The following RNF215 variants were observed in gnomAD, a reference collection of about 807,000 sequenced individuals.
RNF215 encodes ring finger protein 215.
RNF215 carries 41 observed loss-of-function variants against 44.8 expected under a neutral mutation model. The ratio of observed to expected loss-of-function variants is 0.92; its 90% confidence interval spans 0.71 to 1.19. The LOEUF is 1.19. Among genes scored for constraint, RNF215 ranks in the 50% most tolerant of loss-of-function variants. The pLI, the probability that RNF215 is intolerant of heterozygous loss-of-function variation, is 0.00. For synonymous variants in RNF215, 218 were observed against 230.1 expected (o/e 0.95, Z 0.48); for missense variants, 452 against 496.2 (o/e 0.91, Z 0.85).
intron 7 of RNF215, 64 bp downstream of exon 7, chr22:30,379,998 C>A (rs1933501862): frequency 1.2e-6 from 2 of 1,602,790 alleles, no homozygotes; most frequent in South Asian, 2.2e-5. Context: ...GTTCCAAGGT[C>A]CCAGGAGTAA....
At chr22:30,385,373 G>A (rs1157423571) in intron 4 of RNF215, among the ~76,000 whole-genome samples, 4 of 147,232 alleles carry the variant, frequency 2.7e-5, no homozygotes, top group Non-Finnish European at 5.9e-5. Flanking sequence ...AGAGAGCCGA[G>A]ATCGCGCCAC....
intron 5 of RNF215, among the ~76,000 whole-genome samples, chr22:30,381,984 C>G (rs1933535573): frequency 6.6e-6 from 1 of 152,252 alleles, no homozygotes; most frequent in South Asian, 2.1e-4. Context: ...TGTCTCTGGC[C>G]TATCTGCTCT....
At position 30,380,056 on chromosome 22, in the gene RNF215, A is replaced by C. The variant is rs761346273; in HGVS notation, c.1008+6T>G. 6.2e-7 allele frequency: 1 copy of C among 1,613,780 alleles called. No individual in the cohort carries two copies. Among genetic ancestry groups the C allele is most frequent in the Non-Finnish European group, 8.5e-7 (1 of 1,179,878 alleles). ...CTGATGGCTGGTCTCTACCCGGGGC[A>C]CTAGCCTGTTTGTTGCAGAAGTAGT... On this transcript the variant is annotated splice_donor_region_variant and intron_variant, in intron 7 of 8. Transcript: ENST00000382363. This position sits in a 1 kb window ranked among gnomAD's most constrained non-coding sequence, Gnocchi z 5.3.
Position 30,386,132 on chromosome 22 carries a change from C to G in RNF215, c.439G>C (p.Ala147Pro), listed in dbSNP as rs1219049971. Residue 147 changes from alanine to proline, a missense_variant, in exon 3 of 9, where the codon GCC becomes CCC. Physicochemically the swap from Ala to Pro is conservative, Grantham distance 27. Transcript: ENST00000382363. Reference sequence around the variant, plus strand: ...AGGGCAGAGGCACCCAGGAAGAGGGCCCGCCGCATCTGCAGAGGGATAGAA... The same window carrying G: ...AGGGCAGAGGCACCCAGGAAGAGGGGCCGCCGCATCTGCAGAGGGATAGAA... ...PKALVQQMRR[A>P]LFLGASALLL... 1 of 1,594,376 alleles carries G rather than the reference C, an allele frequency of 6.3e-7. No individual in the cohort carries two copies. Among genetic ancestry groups the G allele is most frequent in the Non-Finnish European group, 8.5e-7 (1 of 1,170,952 alleles).
chr22:30,384,794 G>A (rs1933573366), intron 4 of RNF215: 1 of 295,566 alleles, frequency 3.4e-6, no homozygotes, highest in Non-Finnish European at 6.3e-6. Flanking sequence ...CCATTTTTCA[G>A]CCTGGGACAG....
chr22:30,379,979 G>A lies in RNF215; in HGVS notation c.1008+83C>T, dbSNP rs536244623. 30 of 1,581,856 alleles carry A rather than the reference G, an allele frequency of 1.9e-5. 1 individual carries two copies. Among genetic ancestry groups the A allele is most frequent in the South Asian group, 1.2e-4 (11 of 89,232 alleles). ...CTGGGGGCTGAAGGAGAAGGGCCTG[G>A]TGGTGGTGGTTCCAAGGTCCCAGGA... is the stretch of plus-strand genomic sequence containing the variant. On this transcript the variant is annotated intron_variant, in intron 7 of 8. Transcript: ENST00000382363.
In RNF215 at chr22:30,387,364, G is replaced by T. The variant is rs970751306; in HGVS notation, c.-51C>A. 32 of 1,021,658 alleles carry T rather than the reference G, an allele frequency of 3.1e-5. 1 individual carries two copies. Among genetic ancestry groups the T allele is most frequent in the East Asian group, 8.4e-5 (1 of 11,880 alleles). 63.3% of individuals were successfully genotyped at this position (1,021,658 alleles called of 1,614,324 possible). A position where few individuals can be genotyped will look rare whatever the true frequency, so the allele number is the denominator to read the frequency against. ...CAGTGGGGCCAGGGGTCCCGGGCGC[G>T]GGGGGGATCGGAGGGAGCGAGGCCG... is the stretch of plus-strand genomic sequence containing the variant. On this transcript the variant is annotated 5_prime_UTR_variant, in exon 1 of 9. Transcript: ENST00000382363.
chr22:30,384,734 C>T, intron 4 of RNF215: 1 of 445,732 alleles, frequency 2.2e-6, no homozygotes. Flanking sequence ...CACAGAGCCA[C>T]TTCCTTGCTC....
chr22:30,382,247 C>CT (rs1569198867), intron 5 of RNF215, among the ~76,000 whole-genome samples: 4 of 151,926 alleles, frequency 2.6e-5, no homozygotes, highest in African/African-American at 9.7e-5. Context: ...ACTAAAAATA[C>CT]AAAAAATTAG....
At chr22:30,379,862 C>T (rs750111366) in intron 7 of RNF215, 49 bp from the exon 8 acceptor site, 22 of 1,545,578 alleles carry the variant, frequency 1.4e-5, no homozygotes, top group East Asian at 2.3e-5. Flanking sequence ...CAGGACTCCA[C>T]GTGGGGGTGC....
rs1933616259 is a variant in RNF215, at chr22:30,387,246, AGCGGAGACGGAGGCGGCG to A, written c.50_67del (p.Pro17_Pro22del). On this transcript the variant is annotated inframe_deletion, in exon 1 of 9. Transcript: ENST00000382363. ...CGGCAGCAGGGGCAGCAGCAGCAGC[AGCGGAGACGGAGGCGGCG>A]GCGGAGGCGGCGGCGGCGATCTCAG... is the stretch of plus-strand genomic sequence containing the variant. 1 of 1,011,752 alleles carries A rather than the reference AGCGGAGACGGAGGCGGCG, an allele frequency of 9.9e-7. No individual in the cohort carries two copies. Among genetic ancestry groups the A allele is most frequent in the African/African-American group, 1.7e-5 (1 of 57,640 alleles). 62.7% of individuals were successfully genotyped at this position (1,011,752 alleles called of 1,614,324 possible).
At chr22:30,385,620 C>T (rs1456312672) in intron 4 of RNF215, among the ~76,000 whole-genome samples, 1 of 151,716 alleles carries the variant, frequency 6.6e-6, no homozygotes, top group African/African-American at 2.4e-5. Flanking sequence ...CCTGTCTCTA[C>T]TAAAAATACA....
At chr22:30,379,932 C>G (rs927486032) in intron 7 of RNF215, 119 bp from the exon 8 acceptor site, 66 of 1,532,878 alleles carry the variant, frequency 4.3e-5, no homozygotes, top group East Asian at 1.1e-4. Flanking sequence ...CCCCCACCCC[C>G]CTGAAATTCT....
Position 30,386,733 on chromosome 22 carries a change from C to T in RNF215, c.312G>A (p.Glu104=), listed in dbSNP as rs143078843. The change falls in exon 2 of 9, where the codon GAG becomes GAA. Residue 104 remains glutamate (E), a synonymous_variant. Transcript: ENST00000382363. ...LLMDIVDAEQ[E]APVEGWIAVA... ...CTGCAATCCAGCCTTCCACTGGTGC[C>T]TCCTGCTCGGCATCCACGATGTCCA... The T allele has an allele frequency of 9.4e-4, 1,517 of 1,608,602 alleles. 12 individuals carry two copies. In the African/African-American group the frequency reaches 0.017, roughly 18 times the overall value.
Position 30,385,870 on chromosome 22 carries a change from G to C in RNF215, c.587+34C>G, listed in dbSNP as rs762003319. The C allele has an allele frequency of 3.1e-6, 5 of 1,595,916 alleles. No individual in the cohort carries two copies. The South Asian group carries it at 3.3e-5, about 11-fold the overall frequency. On this transcript the variant is annotated intron_variant, in intron 4 of 8. Coordinates refer to ENST00000382363, the MANE Select transcript of RNF215 (RefSeq NM_001017981.2). ...GAGAACCAGGGGCTCTCTGTACCCA[G>C]GGTCAGTCCTTTGAAGTCTAAATAC... is the stretch of plus-strand genomic sequence containing the variant.
chr22:30,381,504 G>C (rs1401725394), intron 5 of RNF215, among the ~76,000 whole-genome samples: 1 of 152,194 alleles, frequency 6.6e-6, no homozygotes, highest in Non-Finnish European at 1.5e-5. Context: ...ATGGCGCAGC[G>C]GAGTAAGCAA....
rs747997677 is a variant in RNF215 at position 30,380,177 on chromosome 22, C to T, written c.893G>A (p.Arg298Gln). 1.2e-5 allele frequency: 19 copies of T among 1,613,708 alleles called. No individual in the cohort carries two copies. The highest frequency in any genetic ancestry group is 6.7e-5 in the African/African-American group (5 of 74,900). The change falls in exon 7 of 9, where the codon CGG (arginine) becomes CAG (glutamine). Residue 298 changes from arginine (R) to glutamine (Q), a missense_variant. By Grantham distance (43) the Arg-to-Gln change is conservative. Coordinates refer to ENST00000382363, the MANE Select transcript of RNF215 (RefSeq NM_001017981.2). This position sits in a 1 kb window ranked among gnomAD's most constrained non-coding sequence, Gnocchi z 5.3. The stretch of plus-strand genomic sequence containing the variant: ...CCGTGTCTTGAGGGATGCCAGTCTC[C>T]GCACCACGCGGCGCTTAAACAGGTC... Reference protein sequence around the residue: ...QVDLFKRRVVRRLASLKTRRC... With the variant: ...QVDLFKRRVVQRLASLKTRRC...
Position 30,384,448 on chromosome 22 carries a change from G to A in RNF215, c.635C>T (p.Ala212Val), listed in dbSNP as rs1200030976. Residue 212 changes from alanine (A) to valine (V), a missense_variant, in exon 5 of 9, where the codon GCC becomes GTC. By Grantham distance (64) the Ala-to-Val change is moderately conservative. Coordinates refer to ENST00000382363, the MANE Select transcript of RNF215 (RefSeq NM_001017981.2). ...AEITSGESLS[A>V]NIEWKLTLWT... Reference sequence around the variant, plus strand: ...CAAGGTCAACTTCCACTCGATATTGGCAGACAGGGACTCTCCGCTGGTGAT... The same window carrying A: ...CAAGGTCAACTTCCACTCGATATTGACAGACAGGGACTCTCCGCTGGTGAT... The A allele has an allele frequency of 6.2e-7, 1 of 1,614,024 alleles. No homozygotes were observed. The highest frequency in any genetic ancestry group is 8.5e-7 in the Non-Finnish European group (1 of 1,179,984).
Position 30,379,282 on chromosome 22 carries a change from G to A in RNF215, c.*318C>T. 1 of 412,530 alleles carries A rather than the reference G, an allele frequency of 2.4e-6. No homozygotes were observed. The highest frequency in any genetic ancestry group is 4.5e-6 in the Non-Finnish European group (1 of 222,562). The allele number at this position is 412,530 out of a possible 1,614,324, so 25.6% of individuals were successfully genotyped here. ...CCAGAACCCTGGCGACAGCTACACTGGCCCCATATTCTCTTTCCTTATTGA... is the reference window on the plus strand; with the variant it reads ...CCAGAACCCTGGCGACAGCTACACTAGCCCCATATTCTCTTTCCTTATTGA... On this transcript the variant is annotated 3_prime_UTR_variant, in exon 9 of 9. Coordinates refer to ENST00000382363, the MANE Select transcript of RNF215 (RefSeq NM_001017981.2).
Sources: allele counts gnomAD v4.1 joint callset (sites outside exome capture counted in the v4.1 genomes callset), GRCh38; gene constraint gnomAD v4.1.1; non-coding constraint Gnocchi (gnomAD v3.1); transcripts MANE v1.5; gene names NCBI Gene and HGNC (gene_info 2026-07-23, HGNC 2026-07-21).